Variants in CDK14 observed in about 807,000 individuals in gnomAD.
CDK14 encodes cyclin-dependent kinase 14.
In CDK14, 34 loss-of-function variants were observed where a neutral mutation model predicts 60.7. That is an observed-to-expected ratio of 0.56 (90% CI 0.43 to 0.75). The LOEUF (loss-of-function observed/expected upper bound fraction) is 0.75, where lower values mean the gene tolerates loss of function less well. CDK14 is among the 30% of genes least tolerant of loss of function. CDK14 has a pLI of 0.00. For synonymous variants in CDK14, 197 were observed against 203.7 expected (o/e 0.97, Z 0.28); for missense variants, 482 against 564.1 (o/e 0.85, Z 1.47).
At chr7:91,131,751 G>A (rs1415077106) in intron 14 of CDK14, among the ~76,000 whole-genome samples, 3 of 152,084 alleles carry the variant, frequency 2.0e-5, no homozygotes, top group Admixed American at 6.6e-5. Context: ...CAGATGTTGG[G>A]AACAAAGCAA....
chr7:91,095,570 C>G (rs1302133246), intron 12 of CDK14, among the ~76,000 whole-genome samples: 1 of 152,112 alleles, frequency 6.6e-6, no homozygotes, highest in African/African-American at 2.4e-5. Flanking sequence ...TTTAAAAAGA[C>G]TTGGTATCAA....
At chr7:91,118,271 GA>G in intron 14 of CDK14, 63 bp downstream of exon 14, 1 of 765,710 alleles carries the variant, frequency 1.3e-6, no homozygotes, top group Non-Finnish European at 2.1e-6. Flanking sequence ...TTCTTTAAGT[GA>G]AATATTTCAG....
At chr7:90,870,049 T>C (rs1791316160) in intron 6 of CDK14, among the ~76,000 whole-genome samples, 2 of 152,210 alleles carry the variant, frequency 1.3e-5, no homozygotes, top group Admixed American at 1.3e-4. Flanking sequence ...AGTGAGTATC[T>C]AGCATTTTGG....
chr7:91,046,645 A>G (rs1797246340), intron 11 of CDK14, among the ~76,000 whole-genome samples: 1 of 152,144 alleles, frequency 6.6e-6, no homozygotes, highest in African/African-American at 2.4e-5. Context: ...ATTTAATAAA[A>G]TCAGTAGAAT....
chr7:90,903,655 A>C (rs1468031266), intron 7 of CDK14, among the ~76,000 whole-genome samples: 1 of 152,296 alleles, frequency 6.6e-6, no homozygotes, highest in Admixed American at 6.5e-5. Context: ...ACAGCACAGT[A>C]GTCTAACAAT....
intron 4 of CDK14, among the ~76,000 whole-genome samples, chr7:90,769,031 CTTTG>C (rs1375891980): frequency 6.6e-6 from 1 of 152,192 alleles, no homozygotes; most frequent in African/African-American, 2.4e-5. Flanking sequence ...TGATTAAAAC[CTTTG>C]TTTGCAGATA....
chr7:91,043,921 CTAG>C (rs1229325085), intron 10 of CDK14, among the ~76,000 whole-genome samples: 1 of 152,200 alleles, frequency 6.6e-6, no homozygotes, highest in African/African-American at 2.4e-5. Flanking sequence ...ATGTCACCCA[CTAG>C]TAAATAAATG....
intron 5 of CDK14, among the ~76,000 whole-genome samples, chr7:90,798,097 A>G (rs887697169): frequency 6.6e-6 from 1 of 152,004 alleles, no homozygotes; most frequent in African/African-American, 2.4e-5. Flanking sequence ...ATGATAGAAA[A>G]ATAGTTGGGG....
intron 2 of CDK14, among the ~76,000 whole-genome samples, chr7:90,682,838 C>T (rs553704271): frequency 1.3e-5 from 2 of 152,248 alleles, no homozygotes; most frequent in South Asian, 2.1e-4. Flanking sequence ...GAATGTCCCT[C>T]ATGTTATGTT....
At chr7:90,863,369 T>G (rs1485884691) in intron 6 of CDK14, 100 bp downstream of exon 6, 1 of 605,334 alleles carries the variant, frequency 1.7e-6, no homozygotes, top group Admixed American at 3.2e-5. Context: ...GTACTGAAGT[T>G]AATATTTTAT....
chr7:90,616,744 T>C (rs1057059620), intron 2 of CDK14, among the ~76,000 whole-genome samples: 2 of 152,184 alleles, frequency 1.3e-5, no homozygotes, highest in Admixed American at 1.3e-4. Context: ...CTAATTTCTA[T>C]ATAGTTATTA....
At chr7:91,120,748 G>T (rs1799760766) in intron 14 of CDK14, among the ~76,000 whole-genome samples, 1 of 152,106 alleles carries the variant, frequency 6.6e-6, no homozygotes, top group Admixed American at 6.6e-5. Flanking sequence ...TGTTGGCCAG[G>T]CTGGTCTCGA....
chr7:90,674,472 T>C (rs184250188), intron 2 of CDK14, among the ~76,000 whole-genome samples: 3 of 152,318 alleles, frequency 2.0e-5, no homozygotes, highest in Non-Finnish European at 1.5e-5. Flanking sequence ...TATTAAAAGA[T>C]GAATTTCTGC....
At chr7:90,718,374 A>G (rs1161533147) in intron 2 of CDK14, among the ~76,000 whole-genome samples, 1 of 152,156 alleles carries the variant, frequency 6.6e-6, no homozygotes, top group African/African-American at 2.4e-5. Context: ...AAGTGAATTT[A>G]TGTGTGAGAC....
At chr7:91,090,886 T>C (rs1798784032) in intron 12 of CDK14, among the ~76,000 whole-genome samples, 1 of 152,062 alleles carries the variant, frequency 6.6e-6, no homozygotes, top group Non-Finnish European at 1.5e-5. Context: ...ACTCGTCACC[T>C]GTTTGTATCT....
chr7:90,803,807 C>T (rs1788731638), intron 5 of CDK14, among the ~76,000 whole-genome samples: 1 of 152,144 alleles, frequency 6.6e-6, no homozygotes, highest in African/African-American at 2.4e-5. Flanking sequence ...CTAATCAAGA[C>T]ACTGAATTCC....
At chr7:91,098,798 G>A (rs1799081222) in intron 12 of CDK14, among the ~76,000 whole-genome samples, 1 of 152,118 alleles carries the variant, frequency 6.6e-6, no homozygotes, top group Non-Finnish European at 1.5e-5. Context: ...AAGCGTGACA[G>A]CAAGGCATTC....
At chr7:90,994,495 A>G (rs1406784525) in intron 10 of CDK14, among the ~76,000 whole-genome samples, 1 of 152,186 alleles carries the variant, frequency 6.6e-6, no homozygotes, top group Non-Finnish European at 1.5e-5. Context: ...GTACATAAGA[A>G]TGTCAAGAAC....
intron 12 of CDK14, among the ~76,000 whole-genome samples, chr7:91,102,173 C>T (rs997305799): frequency 1.1e-4 from 16 of 152,158 alleles, no homozygotes; most frequent in Admixed American, 8.5e-4. Flanking sequence ...GGGATCCAGG[C>T]TCTGTGGCTT....
Sources: allele counts gnomAD v4.1 joint callset (sites outside exome capture counted in the v4.1 genomes callset), GRCh38; gene constraint gnomAD v4.1.1; transcripts MANE v1.5; gene names NCBI Gene and HGNC (gene_info 2026-07-23, HGNC 2026-07-21).